TCF4: variants seen among roughly 807,000 people sequenced by gnomAD.
TCF4 encodes SL3-3 enhancer factor 2.
Under a neutral mutation model 82.1 loss-of-function variants are expected in TCF4, and 3 were observed. That is an observed-to-expected ratio of 0.04 (90% CI 0.02 to 0.09). The LOEUF is 0.09. Among genes scored for constraint, TCF4 ranks in the 10% least tolerant of loss-of-function variants. The pLI is 1.00. For missense variants in TCF4, 518 were observed against 852.7 expected, an observed-to-expected ratio of 0.61 and a Z score of 4.89; for synonymous variants, 276 against 309.6, an observed-to-expected ratio of 0.89 and a Z score of 1.14.
intron 15 of TCF4, among the ~76,000 whole-genome samples, chr18:55,246,495 C>T (rs2053240241): frequency 6.6e-6 from 1 of 152,110 alleles, no homozygotes. Flanking sequence ...AGGTGGCCAA[C>T]CATGTTCACA....
At chr18:55,311,784 A>G (rs899577820) in intron 8 of TCF4, among the ~76,000 whole-genome samples, 1 of 152,222 alleles carries the variant, frequency 6.6e-6, no homozygotes, top group African/African-American at 2.4e-5. Context: ...ATCATTTTCA[A>G]CTAAATGTTC....
chr18:55,278,566 A>G (rs562759537), intron 9 of TCF4, among the ~76,000 whole-genome samples: 4,272 of 146,926 alleles, frequency 0.029, 102 homozygotes, highest in Non-Finnish European at 0.04. Context: ...TTGTTTGTTT[A>G]TTTATTTATT....
At chr18:55,582,932 G>A (rs759931527) in intron 3 of TCF4, among the ~76,000 whole-genome samples, 1 of 152,010 alleles carries the variant, frequency 6.6e-6, no homozygotes, top group Non-Finnish European at 1.5e-5. Flanking sequence ...CAATTAAAGG[G>A]CAAAATGCAG....
chr18:55,588,287 G>A (rs966748057), upstream of TCF4: 266 of 1,446,180 alleles, frequency 1.8e-4, no homozygotes, highest in Non-Finnish European at 2.3e-4. Context: ...AACACGCCGA[G>A]GCGCACGGAA....
chr18:55,416,437 C>T (rs1296303558), intron 5 of TCF4, among the ~76,000 whole-genome samples: 1 of 152,192 alleles, frequency 6.6e-6, no homozygotes, highest in African/African-American at 2.4e-5. Flanking sequence ...CACTGTCCCT[C>T]CACCTAAATG....
chr18:55,618,196 T>A (rs890711119), intron 2 of TCF4, among the ~76,000 whole-genome samples: 1 of 152,052 alleles, frequency 6.6e-6, no homozygotes, highest in Non-Finnish European at 1.5e-5. Context: ...ATCAAATACT[T>A]CTTCTTCATC....
At chr18:55,293,156 C>T (rs1332195156) in intron 8 of TCF4, among the ~76,000 whole-genome samples, 1 of 151,932 alleles carries the variant, frequency 6.6e-6, no homozygotes, top group African/African-American at 2.4e-5. Flanking sequence ...AACAAAATAA[C>T]ACACAGTAGT....
At chr18:55,270,021 A>G (rs1013104648) in intron 10 of TCF4, 58 bp from the exon 11 acceptor site, 25 of 1,601,894 alleles carry the variant, frequency 1.6e-5, no homozygotes, top group Non-Finnish European at 2.1e-5. Context: ...TTAGTGAGTT[A>G]TTTTCAAATA....
At chr18:55,589,019 G>A (rs2097677404), upstream of TCF4, among the ~76,000 whole-genome samples, 1 of 151,822 alleles carries the variant, frequency 6.6e-6, no homozygotes, top group Non-Finnish European at 1.5e-5. Flanking sequence ...TAAAATTTAA[G>A]CTTCATAATT....
chr18:55,427,794 G>T (rs1262962795), intron 5 of TCF4, among the ~76,000 whole-genome samples: 1 of 152,016 alleles, frequency 6.6e-6, no homozygotes, highest in East Asian at 1.9e-4. Context: ...GTATGGAATT[G>T]GTAAATGAAA....
intron 3 of TCF4, among the ~76,000 whole-genome samples, chr18:55,516,597 A>T (rs1027518348): frequency 6.6e-6 from 1 of 152,180 alleles, no homozygotes; most frequent in Non-Finnish European, 1.5e-5. Context: ...GCATTAGAAG[A>T]GGAAATGACT....
At chr18:55,573,627 C>T (rs1000190107) in intron 3 of TCF4, among the ~76,000 whole-genome samples, 29 of 152,188 alleles carry the variant, frequency 1.9e-4, no homozygotes, top group African/African-American at 6.8e-4. Flanking sequence ...GTCAGCCAAG[C>T]AACCTCCATC....
intron 3 of TCF4, among the ~76,000 whole-genome samples, chr18:55,568,087 G>C: frequency 6.6e-6 from 1 of 150,516 alleles, no homozygotes. Flanking sequence ...GTCATCAGAG[G>C]GTATTATATT....
rs774454125 is a variant in TCF4 at position 55,257,410 on chromosome 18, T to C, written c.1070-19A>G. ...GTGCCTGCTGATATTAAAGTGGGAA[T>C]TACAATCAGATCTAGACACATGTAA... On this transcript the variant is annotated intron_variant, in intron 13 of 19. Coordinates refer to ENST00000354452, the MANE Select transcript of TCF4 (RefSeq NM_001083962.2). 1.2e-6 allele frequency: 2 copies of C among 1,612,762 alleles called. No homozygotes were observed. The highest frequency in any genetic ancestry group is 1.1e-5 in the South Asian group (1 of 91,054).
chr18:55,381,821 G>A (rs2091943093), intron 6 of TCF4, among the ~76,000 whole-genome samples: 1 of 151,922 alleles, frequency 6.6e-6, no homozygotes, highest in Non-Finnish European at 1.5e-5. Flanking sequence ...GCTGAACTCT[G>A]AACAAGCAAC....
chr18:55,382,593 G>A lies in TCF4; in HGVS notation c.369+20861C>T, dbSNP rs566448413. Among the ~76,000 whole-genome samples, 8 of 152,140 alleles carry A rather than the reference G, an allele frequency of 5.3e-5. No homozygotes were observed. The South Asian group carries it at 8.3e-4, about 16-fold the overall frequency. On this transcript the variant is annotated intron_variant, in intron 6 of 19. Transcript: ENST00000354452. ...ATCTTCCAAGGGGAATCATAAGCAC[G>A]CAGGTGAGTCATGTGTTTCACCTGA...
chr18:55,403,890 T>C (rs571249238), intron 5 of TCF4: 1 of 1,438,532 alleles, frequency 7.0e-7, no homozygotes. Flanking sequence ...CCTAGCCTAG[T>C]AATTCCCATT....
upstream of TCF4, chr18:55,588,715 TA>T (rs2097675797): frequency 1.5e-6 from 2 of 1,302,248 alleles, no homozygotes; most frequent in African/African-American, 3.0e-5. Context: ...TTTTCGTCTA[TA>T]AATCAAGCCA....
At chr18:55,594,684 T>G (rs1032547947) in intron 2 of TCF4, among the ~76,000 whole-genome samples, 4 of 152,208 alleles carry the variant, frequency 2.6e-5, no homozygotes, top group African/African-American at 9.6e-5. Flanking sequence ...AGTACAATAA[T>G]TGCCTTACTT....
Sources: allele counts gnomAD v4.1 joint callset (sites outside exome capture counted in the v4.1 genomes callset), GRCh38; gene constraint gnomAD v4.1.1; transcripts MANE v1.5; gene names NCBI Gene and HGNC (gene_info 2026-07-23, HGNC 2026-07-21).